REC114: variants seen among roughly 807,000 people sequenced by gnomAD.
REC114 encodes the protein meiotic recombination protein REC114.
In REC114, 27 loss-of-function variants were observed where a neutral mutation model predicts 31.3. That is an observed-to-expected ratio of 0.86 (90% confidence interval 0.64 to 1.19). The LOEUF is 1.19. Among genes scored for constraint, REC114 ranks in the 50% most tolerant of loss-of-function variants. The pLI is 0.00. For synonymous variants in REC114, 134 were observed against 127.7 expected (o/e 1.05, Z -0.33); for missense variants, 344 against 326.9 (o/e 1.05, Z -0.40).
intron 4 of REC114, among the ~76,000 whole-genome samples, chr15:73,551,923 G>T (rs1395175065): frequency 6.6e-6 from 1 of 152,168 alleles, no homozygotes; most frequent in Non-Finnish European, 1.5e-5. Flanking sequence ...CAACCCGGAA[G>T]ACTTTTCTAA....
intron 2 of REC114, among the ~76,000 whole-genome samples, chr15:73,478,218 G>A (rs1015538852): frequency 4.2e-5 from 6 of 143,932 alleles, no homozygotes; most frequent in Admixed American, 7.0e-5. Flanking sequence ...GACCCGACAC[G>A]GTGCCACTGC....
intron 2 of REC114, chr15:73,483,893 G>A (rs1893329748): frequency 6.6e-6 from 1 of 152,178 alleles, no homozygotes; most frequent in Admixed American, 6.5e-5. Context: ...CTGGGGTCTG[G>A]GTCACTGCCT....
At chr15:73,534,198 T>C (rs1894123994) in intron 2 of REC114, among the ~76,000 whole-genome samples, 1 of 151,368 alleles carries the variant, frequency 6.6e-6, no homozygotes, top group Non-Finnish European at 1.5e-5. Flanking sequence ...AGAGCAGAAC[T>C]GAAGGAAATA....
At chr15:73,445,860 A>AATG (rs2151249174) in intron 1 of REC114, among the ~76,000 whole-genome samples, 1 of 152,312 alleles carries the variant, frequency 6.6e-6, no homozygotes, top group African/African-American at 2.4e-5. Context: ...TAATAATAAT[A>AATG]ATGAAAAAGC....
At chr15:73,483,347 G>T in intron 2 of REC114, 1 of 153,636 alleles carries the variant, frequency 6.5e-6, no homozygotes, top group South Asian at 1.9e-4. Context: ...GGAACATCCA[G>T]AACGCACAGT....
At chr15:73,490,881 C>A (rs192244859) in intron 2 of REC114, among the ~76,000 whole-genome samples, 154 of 152,206 alleles carry the variant, frequency 1.0e-3, no homozygotes, top group African/African-American at 3.6e-3. Context: ...TGTCTGCTTT[C>A]TGGCACTACA....
At chr15:73,448,297 C>T (rs1892795931) in intron 1 of REC114, among the ~76,000 whole-genome samples, 2 of 151,640 alleles carry the variant, frequency 1.3e-5, no homozygotes, top group Admixed American at 1.3e-4. Flanking sequence ...ACCTGGGATG[C>T]TGTATCTTGG....
chr15:73,534,853 TG>T (rs1894133346), intron 2 of REC114, among the ~76,000 whole-genome samples: 1 of 145,350 alleles, frequency 6.9e-6, no homozygotes, highest in Admixed American at 6.7e-5. Context: ...GCTTCATCCC[TG>T]GGATGCAAGG....
At chr15:73,516,737 C>T (rs987172431) in intron 2 of REC114, among the ~76,000 whole-genome samples, 31 of 152,170 alleles carry the variant, frequency 2.0e-4, no homozygotes, top group African/African-American at 7.5e-4. Flanking sequence ...AAGCAATTCT[C>T]CCGCCTCAGC....
intron 5 of REC114, among the ~76,000 whole-genome samples, chr15:73,558,930 CTG>C (rs1453104604): frequency 6.6e-6 from 1 of 152,222 alleles, no homozygotes; most frequent in Admixed American, 6.5e-5. Flanking sequence ...GATAACCAAA[CTG>C]TGGCACATCC....
At chr15:73,495,101 T>G in intron 2 of REC114, among the ~76,000 whole-genome samples, 1 of 152,208 alleles carries the variant, frequency 6.6e-6, no homozygotes, top group Non-Finnish European at 1.5e-5. Flanking sequence ...GTAATACCAT[T>G]TTATTTCTTC....
intron 1 of REC114, among the ~76,000 whole-genome samples, chr15:73,450,549 C>T (rs1457351237): frequency 6.6e-6 from 1 of 152,112 alleles, no homozygotes; most frequent in Non-Finnish European, 1.5e-5. Context: ...GACTTTAACA[C>T]CCCACTGTCA....
At chr15:73,556,423 T>A (rs770128203) in intron 5 of REC114, 32 bp downstream of exon 5, 6 of 1,575,544 alleles carry the variant, frequency 3.8e-6, no homozygotes, top group Admixed American at 3.5e-5. Context: ...AATTTTCTTG[T>A]CATGAGAAGC....
intron 1 of REC114, among the ~76,000 whole-genome samples, chr15:73,460,309 C>T (rs372171126): frequency 1.3e-5 from 2 of 152,000 alleles, no homozygotes; most frequent in East Asian, 1.9e-4. Context: ...TAGAATGAGG[C>T]CCAAGAGTAT....
chr15:73,556,382 G>GT lies in REC114; in HGVS notation c.629dup (p.Leu210PhefsTer16). The GT allele has an allele frequency of 6.2e-7, 1 of 1,613,356 alleles. No individual in the cohort carries two copies. Among genetic ancestry groups the GT allele is most frequent in the Non-Finnish European group, 8.5e-7 (1 of 1,179,544 alleles). On this transcript the variant is annotated frameshift_variant, in exon 5 of 6. Coordinates refer to ENST00000331090, the MANE Select transcript of REC114 (RefSeq NM_001042367.2). LOFTEE classifies it high-confidence loss of function. ...CAGACGGAAGGACCTCACTGACGCA[G>GT]TTAGCTCAGGTAGAGCTTATTTCTG...
chr15:73,459,796 G>A (rs1892965829), intron 1 of REC114, among the ~76,000 whole-genome samples: 1 of 152,120 alleles, frequency 6.6e-6, no homozygotes, highest in Non-Finnish European at 1.5e-5. Context: ...GCAGATATTG[G>A]CTTCTCTCTT....
chr15:73,498,241 T>C (rs77381435), intron 2 of REC114, among the ~76,000 whole-genome samples: 9,402 of 152,176 alleles, frequency 0.062, 318 homozygotes, highest in South Asian at 0.093. Flanking sequence ...GATGTGACTT[T>C]TTCCTCATTA....
At chr15:73,520,213 C>CTT (rs927611511) in intron 2 of REC114, among the ~76,000 whole-genome samples, 3 of 147,690 alleles carry the variant, frequency 2.0e-5, no homozygotes, top group Non-Finnish European at 4.5e-5. Context: ...AATTGTATCT[C>CTT]TTTTTTTTTT....
chr15:73,456,256 C>T (rs1449960908), intron 1 of REC114, among the ~76,000 whole-genome samples: 1 of 151,692 alleles, frequency 6.6e-6, no homozygotes, highest in Non-Finnish European at 1.5e-5. Context: ...TTGCAGGTTG[C>T]TTTTAAAGTT....
Sources: gnomAD v4.1 joint callset for allele counts (sites outside exome capture counted in the v4.1 genomes callset) on GRCh38, gnomAD v4.1.1 for gene constraint, MANE v1.5 for transcripts, NCBI Gene and HGNC (gene_info 2026-07-23, HGNC 2026-07-21) for gene names.